The following FHIT variants were observed in gnomAD, a reference collection of about 807,000 sequenced individuals.
FHIT encodes fragile histidine triad diadenosine triphosphatase.
A neutral mutation model predicts 17.9 loss-of-function variants in FHIT; 19 were observed. That is an observed-to-expected ratio of 1.06 (90% CI 0.74 to 1.56). The LOEUF is 1.56. Among genes scored for constraint, FHIT ranks in the 40% most tolerant of loss-of-function variants. The pLI, the probability that FHIT is intolerant of heterozygous loss-of-function variation, is 0.00. For missense variants in FHIT, 248 were observed against 189.2 expected (o/e 1.31, Z -1.82); for synonymous variants, 81 against 69.7 (o/e 1.16, Z -0.81).
chr3:61,070,394 C>G (rs139444722), intron 2 of FHIT, among the ~76,000 whole-genome samples: 7 of 152,342 alleles, frequency 4.6e-5, no homozygotes, highest in African/African-American at 1.7e-4. Context: ...GTTCAACGTA[C>G]TGTGTCTCCT....
rs1459133805 is a variant in FHIT, at chr3:60,563,229, G to T, written c.-17-26250C>A. Among the ~76,000 whole-genome samples the T allele has an allele frequency of 5.3e-5, 8 of 152,074 alleles. No individual in the cohort carries two copies. The East Asian group carries it at 1.4e-3, about 26-fold the overall frequency. The stretch of plus-strand genomic sequence containing the variant: ...GTGAGGCAGCAGTGCACTTATTCTG[G>T]ATATGTCTTGGGAGAAGAGCTAATA... On this transcript the variant is annotated intron_variant, in intron 4 of 9. Transcript: ENST00000492590.
intron 8 of FHIT, among the ~76,000 whole-genome samples, chr3:59,875,939 A>T (rs1048903485): frequency 1.8e-4 from 23 of 124,586 alleles, no homozygotes; most frequent in Admixed American, 1.5e-3. Flanking sequence ...TCTGTTTGAT[A>T]AAAAAAGAAA....
chr3:60,439,363 C>G (rs961734115), intron 5 of FHIT, among the ~76,000 whole-genome samples: 3 of 152,122 alleles, frequency 2.0e-5, no homozygotes, highest in African/African-American at 7.2e-5. Context: ...GAGTTTCAAT[C>G]AACTGACAAA....
intron 3 of FHIT, among the ~76,000 whole-genome samples, chr3:61,032,666 G>C (rs1438879429): frequency 6.6e-6 from 1 of 152,224 alleles, no homozygotes; most frequent in East Asian, 1.9e-4. Context: ...GATCCTCTCT[G>C]TTGCAAACAG....
chr3:60,308,189 A>T (rs1708771124), intron 5 of FHIT, among the ~76,000 whole-genome samples: 1 of 152,094 alleles, frequency 6.6e-6, no homozygotes, highest in African/African-American at 2.4e-5. Flanking sequence ...CCTTTACTAT[A>T]ACCTTGGCCA....
At chr3:60,568,657 A>C (rs953821836) in intron 4 of FHIT, among the ~76,000 whole-genome samples, 1 of 152,132 alleles carries the variant, frequency 6.6e-6, no homozygotes, top group African/African-American at 2.4e-5. Context: ...CAACACTTTG[A>C]GAAACAGTTG....
At chr3:60,458,891 T>C (rs993702662) in intron 5 of FHIT, among the ~76,000 whole-genome samples, 9 of 151,960 alleles carry the variant, frequency 5.9e-5, no homozygotes, top group African/African-American at 1.9e-4. Flanking sequence ...CCTCCCACCT[T>C]AGCCTCCCAA....
At chr3:60,760,899 T>C (rs1699626281) in intron 4 of FHIT, among the ~76,000 whole-genome samples, 1 of 152,160 alleles carries the variant, frequency 6.6e-6, no homozygotes, top group Non-Finnish European at 1.5e-5. Flanking sequence ...TAGACCTGAG[T>C]GGCACAACCA....
intron 5 of FHIT, among the ~76,000 whole-genome samples, chr3:60,157,882 G>C (rs1700770714): frequency 1.3e-5 from 2 of 151,838 alleles, no homozygotes; most frequent in South Asian, 4.1e-4. Flanking sequence ...TTTTGCTTTA[G>C]TGACCTTGTG....
chr3:60,646,668 G>A (rs1553686809), intron 4 of FHIT, among the ~76,000 whole-genome samples: 1 of 152,130 alleles, frequency 6.6e-6, no homozygotes, highest in Non-Finnish European at 1.5e-5. Context: ...AGAAAAAAGT[G>A]AGAAAAAATT....
At chr3:59,906,978 G>A (rs751907988) in intron 8 of FHIT, among the ~76,000 whole-genome samples, 21 of 152,174 alleles carry the variant, frequency 1.4e-4, no homozygotes, top group Non-Finnish European at 2.2e-4. Flanking sequence ...GAGTTCTCAG[G>A]GCAAGTGATT....
chr3:60,889,410 T>C (rs73095283), intron 3 of FHIT, among the ~76,000 whole-genome samples: 13,540 of 152,282 alleles, frequency 0.089, 703 homozygotes, highest in African/African-American at 0.14. Context: ...AAATTTTATA[T>C]TCGATGCCGT....
At chr3:60,007,423 C>T (rs1361229598) in intron 7 of FHIT, among the ~76,000 whole-genome samples, 1 of 152,172 alleles carries the variant, frequency 6.6e-6, no homozygotes, top group Non-Finnish European at 1.5e-5. Flanking sequence ...TCGTCTTCTA[C>T]TTCATGTTAA....
intron 2 of FHIT, among the ~76,000 whole-genome samples, chr3:61,132,126 A>T (rs1474993744): frequency 2.0e-5 from 3 of 152,216 alleles, no homozygotes; most frequent in South Asian, 4.1e-4. Context: ...TGCTAAGCTG[A>T]GTATGGAGGC....
rs549661422 is a variant in FHIT at position 59,998,189 on chromosome 3, C to T, written c.279+13182G>A. Among the ~76,000 whole-genome samples, 15 of 152,172 alleles carry T rather than the reference C, an allele frequency of 9.9e-5. No individual in the cohort carries two copies. In the East Asian group the frequency reaches 2.5e-3, roughly 26 times the overall value. ...AATCGACTCCTGAAAATCTAGCCAC[C>T]GGTGTGCTTGTCATCAGAGTGCAGC... is the stretch of plus-strand genomic sequence containing the variant. On this transcript the variant is annotated intron_variant, in intron 7 of 9. Transcript: ENST00000492590.
chr3:61,063,917 A>G (rs2034516290), intron 2 of FHIT, among the ~76,000 whole-genome samples: 1 of 152,228 alleles, frequency 6.6e-6, no homozygotes, highest in African/African-American at 2.4e-5. Flanking sequence ...ACCTCCACAC[A>G]TAAGCATTAA....
At chr3:60,543,190 A>G (rs982529789) in intron 4 of FHIT, among the ~76,000 whole-genome samples, 3 of 152,218 alleles carry the variant, frequency 2.0e-5, no homozygotes, top group African/African-American at 7.2e-5. Context: ...TGAAAGCAGT[A>G]TGAGTAGGCG....
At chr3:60,439,077 T>C (rs1165461572) in intron 5 of FHIT, among the ~76,000 whole-genome samples, 1 of 152,150 alleles carries the variant, frequency 6.6e-6, no homozygotes, top group Non-Finnish European at 1.5e-5. Context: ...GAGAAATCTT[T>C]ACAAGGTGAG....
chr3:60,957,237 T>C (rs1030211737), intron 3 of FHIT, among the ~76,000 whole-genome samples: 46 of 143,672 alleles, frequency 3.2e-4, no homozygotes, highest in East Asian at 1.2e-3. Flanking sequence ...TTCTTTCTTT[T>C]TTTTTTTTTT....
Sources: allele counts gnomAD v4.1 joint callset (sites outside exome capture counted in the v4.1 genomes callset), GRCh38; gene constraint gnomAD v4.1.1; transcripts MANE v1.5; gene names NCBI Gene and HGNC (gene_info 2026-07-23, HGNC 2026-07-21).